Variants in SLC9A7 observed in about 807,000 individuals in gnomAD.
The protein encoded by SLC9A7 is solute carrier family 9 member A7, also known as sodium/hydrogen exchanger 7.
Under a neutral mutation model 52.6 loss-of-function variants are expected in SLC9A7, and 19 were observed. The observed-to-expected ratio is 0.36, with a 90% CI of 0.25 to 0.53. The LOEUF (loss-of-function observed/expected upper bound fraction) is 0.53, where lower values mean the gene tolerates loss of function less well. SLC9A7 is among the 20% of genes least tolerant of loss of function. The pLI, the probability that SLC9A7 is intolerant of heterozygous loss-of-function variation, is 0.91. For missense variants in SLC9A7, 455 were observed against 597.9 expected, an observed-to-expected ratio of 0.76 and a Z score of 2.49; for synonymous variants, 226 against 252.1, an observed-to-expected ratio of 0.90 and a Z score of 0.98.
At chrX:46,730,719 G>A (rs1411514166) in intron 1 of SLC9A7, among the ~76,000 whole-genome samples, 1 of 51,338 alleles carries the variant, frequency 1.9e-5, no homozygotes, top group Non-Finnish European at 4.3e-5. Context: ...TAAAATGGAT[G>A]AGAAGACCTT....
rs184337006 is a variant in SLC9A7, at chrX:46,680,116, C to T, written c.526-361G>A. ...CTGTAATCCTAGCACTTTGGGAGGCCGAGGCGGGTGGATCACAAGGTCAGG... is the reference window on the plus strand; with the variant it reads ...CTGTAATCCTAGCACTTTGGGAGGCTGAGGCGGGTGGATCACAAGGTCAGG... On this transcript the variant is annotated intron_variant, in intron 2 of 16. Coordinates refer to ENST00000616978, the MANE Select transcript of SLC9A7 (RefSeq NM_001257291.2). Among the ~76,000 whole-genome samples the T allele has an allele frequency of 1.6e-4, 18 of 110,945 alleles. No homozygotes were observed. The East Asian group carries it at 4.8e-3, about 30-fold the overall frequency.
At chrX:46,704,946 T>C (rs1350010632) in intron 1 of SLC9A7, among the ~76,000 whole-genome samples, 3 of 112,043 alleles carry the variant, frequency 2.7e-5, no homozygotes, top group Non-Finnish European at 1.9e-5. Flanking sequence ...AAAGGCGACA[T>C]AGCAGACAAC....
At chrX:46,742,424 G>GA (rs1387921079) in intron 1 of SLC9A7, among the ~76,000 whole-genome samples, 17 of 100,481 alleles carry the variant, frequency 1.7e-4, no homozygotes, top group African/African-American at 2.2e-4. Flanking sequence ...ATCCCACAGA[G>GA]AAAAAAAAAA....
At position 46,672,533 on chromosome X, in the gene SLC9A7, T is replaced by C. The variant is rs780348653; in HGVS notation, c.680+18A>G. 2.0e-5 allele frequency: 23 copies of C among 1,169,987 alleles called. No homozygotes were observed. The highest frequency in any genetic ancestry group is 4.7e-4 in the Middle Eastern group (2 of 4,293). On this transcript the variant is annotated intron_variant, in intron 4 of 16. Transcript: ENST00000616978. The stretch of plus-strand genomic sequence containing the variant: ...TGGAACGTGTGTTAATTTGGTTATA[T>C]GACAAAGGTTCACTTACCCAATAAT...
At chrX:46,744,411 C>T (rs1418071101) in intron 1 of SLC9A7, among the ~76,000 whole-genome samples, 2 of 112,451 alleles carry the variant, frequency 1.8e-5, no homozygotes, top group Admixed American at 1.9e-4. Context: ...TGCTACACCT[C>T]GTTCATTCTA....
intron 15 of SLC9A7, among the ~76,000 whole-genome samples, chrX:46,615,717 G>A (rs1235269976): frequency 9.2e-6 from 1 of 108,694 alleles, no homozygotes; most frequent in African/African-American, 3.4e-5. Context: ...TATTCAAATT[G>A]TTGGATGGGA....
chrX:46,651,416 T>TC lies in SLC9A7; in HGVS notation c.1148-13dup, dbSNP rs1370189234. The TC allele has an allele frequency of 3.7e-6, 4 of 1,093,080 alleles. No homozygotes were observed. Among genetic ancestry groups the TC allele is most frequent in the East Asian group, 3.2e-5 (1 of 30,890 alleles). 90.1% of individuals were successfully genotyped at this position (1,093,080 alleles called of 1,213,427 possible). A position where few individuals can be genotyped will look rare whatever the true frequency, so the allele number is the denominator to read the frequency against. ...GACAGCTACAACACCTGTTAAAACATCCCCCCAAAAAAAATCAATGGAAAA... is the reference window on the plus strand; with the variant it reads ...GACAGCTACAACACCTGTTAAAACATCCCCCCCAAAAAAAATCAATGGAAAA... On this transcript the variant is annotated splice_polypyrimidine_tract_variant and intron_variant, in intron 8 of 16. Coordinates refer to ENST00000616978, the MANE Select transcript of SLC9A7 (RefSeq NM_001257291.2).
In SLC9A7 at chrX:46,662,568, AGGAC is replaced by A. The variant is rs1943842353; in HGVS notation, c.865_868del (p.Val289Ter). On this transcript the variant is annotated frameshift_variant, in exon 6 of 17. Transcript: ENST00000616978. LOFTEE classifies it high-confidence loss of function. Reference sequence around the variant, plus strand: ...CAGTACAATGGCAACAGCATCATTTAGGACGCTCTCTCCAAAAAGAAGTGCGTAA... The same window carrying A: ...CAGTACAATGGCAACAGCATCATTTAGCTCTCTCCAAAAAGAAGTGCGTAA... The A allele has an allele frequency of 8.3e-7, 1 of 1,207,581 alleles. No homozygotes were observed. The highest frequency in any genetic ancestry group is 1.1e-6 in the Non-Finnish European group (1 of 892,779).
intron 13 of SLC9A7, among the ~76,000 whole-genome samples, chrX:46,631,948 C>T (rs1943229889): frequency 8.9e-6 from 1 of 111,963 alleles, no homozygotes; most frequent in African/African-American, 3.2e-5. Flanking sequence ...CAGGTGGTCC[C>T]AGTTATCAAA....
chrX:46,665,694 A>T (rs909050797), intron 5 of SLC9A7, among the ~76,000 whole-genome samples: 1 of 110,920 alleles, frequency 9.0e-6, no homozygotes, highest in Non-Finnish European at 1.9e-5. Context: ...CATTTCCCCA[A>T]TTTTAATTCA....
intron 1 of SLC9A7, among the ~76,000 whole-genome samples, chrX:46,728,946 A>G (rs781041137): frequency 1.8e-4 from 20 of 112,496 alleles, no homozygotes; most frequent in Non-Finnish European, 3.4e-4. Context: ...AGAGACAGAA[A>G]ACAGATCAGT....
chrX:46,694,434 A>G (rs767478423), intron 1 of SLC9A7, among the ~76,000 whole-genome samples: 1 of 112,287 alleles, frequency 8.9e-6, no homozygotes, highest in Admixed American at 9.4e-5. Flanking sequence ...GCAAAAGATT[A>G]GAATAGACAT....
intron 7 of SLC9A7, among the ~76,000 whole-genome samples, chrX:46,659,889 G>A: frequency 9.6e-6 from 1 of 103,910 alleles, no homozygotes; most frequent in Non-Finnish European, 1.9e-5. Flanking sequence ...AGTTCATACG[G>A]AACCAAAAAA....
At chrX:46,629,394 T>C (rs1200054175) in intron 14 of SLC9A7, among the ~76,000 whole-genome samples, 1 of 112,230 alleles carries the variant, frequency 8.9e-6, no homozygotes, top group Admixed American at 9.4e-5. Flanking sequence ...CTCAGCACTT[T>C]GGACCTGCTG....
At chrX:46,711,864 G>A (rs1944692149) in intron 1 of SLC9A7, among the ~76,000 whole-genome samples, 1 of 96,522 alleles carries the variant, frequency 1.0e-5, no homozygotes, top group Non-Finnish European at 2.0e-5. Context: ...AAACAACCAG[G>A]GAAGGCACTC....
chrX:46,720,102 A>G (rs1944835544), intron 1 of SLC9A7, among the ~76,000 whole-genome samples: 1 of 111,840 alleles, frequency 8.9e-6, no homozygotes, highest in Non-Finnish European at 1.9e-5. Context: ...AAAGATCTAT[A>G]GGCTACATCT....
At chrX:46,700,008 G>A (rs906275740) in intron 1 of SLC9A7, among the ~76,000 whole-genome samples, 2 of 109,512 alleles carry the variant, frequency 1.8e-5, no homozygotes, top group Non-Finnish European at 1.9e-5. Flanking sequence ...GGGAGGCTGA[G>A]ATGGGAGGAT....
At chrX:46,700,021 C>G (rs755775401) in intron 1 of SLC9A7, among the ~76,000 whole-genome samples, 1 of 109,479 alleles carries the variant, frequency 9.1e-6, no homozygotes, top group Non-Finnish European at 1.9e-5. Context: ...GGGAGGATCA[C>G]TTGAACCCAG....
At chrX:46,668,538 C>G (rs891237167) in intron 5 of SLC9A7, among the ~76,000 whole-genome samples, 3 of 111,152 alleles carry the variant, frequency 2.7e-5, no homozygotes, top group Non-Finnish European at 3.8e-5. Context: ...AAAAAACATG[C>G]TATACAGATA....
Sources: allele counts gnomAD v4.1 joint callset (sites outside exome capture counted in the v4.1 genomes callset), GRCh38; gene constraint gnomAD v4.1.1; transcripts MANE v1.5; gene names NCBI Gene and HGNC (gene_info 2026-07-23, HGNC 2026-07-21).